The following FGF14 variants were observed in gnomAD, a reference collection of about 807,000 sequenced individuals.
FGF14 encodes the protein fibroblast growth factor 14.
Under a neutral mutation model 25.5 loss-of-function variants are expected in FGF14, and 5 were observed. The ratio of observed to expected loss-of-function variants is 0.20; its 90% confidence interval spans 0.10 to 0.41. FGF14 has a LOEUF of 0.41. Among genes scored for constraint, FGF14 ranks in the 10% least tolerant of loss-of-function variants. The probability of loss-of-function intolerance (pLI) is 1.00; values close to 1 mark genes in which losing one functional copy is unlikely to be tolerated. For missense variants in FGF14, 222 were observed against 320.1 expected (o/e 0.69, Z 2.34); for synonymous variants, 138 against 118.3 (o/e 1.17, Z -1.08).
chr13:101,837,164 CTA>C (rs148238979), intron 3 of FGF14, among the ~76,000 whole-genome samples: 14,965 of 151,446 alleles, frequency 0.099, 928 homozygotes, highest in African/African-American at 0.18. Flanking sequence ...TGAGCTGGTA[CTA>C]TATGTGTGTG....
At chr13:101,892,009 T>C (rs1024232929) in intron 1 of FGF14, among the ~76,000 whole-genome samples, 6 of 152,024 alleles carry the variant, frequency 3.9e-5, no homozygotes, top group Middle Eastern at 3.2e-3. Context: ...AGATGTGACA[T>C]AGCAAAAAAC....
At chr13:101,927,875 CA>C (rs1210435453) in intron 1 of FGF14, among the ~76,000 whole-genome samples, 4 of 152,278 alleles carry the variant, frequency 2.6e-5, no homozygotes, top group African/African-American at 7.2e-5. Context: ...CAGTGTTTGT[CA>C]AAGGGAGGAT....
At chr13:101,778,142 T>C (rs2140011632) in intron 3 of FGF14, among the ~76,000 whole-genome samples, 1 of 152,250 alleles carries the variant, frequency 6.6e-6, no homozygotes, top group Admixed American at 6.5e-5. Flanking sequence ...GGCTGCCAAA[T>C]TATTTACTTA....
At chr13:102,048,737 C>T (rs1029613220) in intron 1 of FGF14, among the ~76,000 whole-genome samples, 12 of 152,196 alleles carry the variant, frequency 7.9e-5, no homozygotes, top group African/African-American at 2.2e-4. Context: ...ATGACATTGA[C>T]CTTTGGAAAC....
At chr13:102,326,714 GGAAGGAA>G (rs1566939036) in intron 1 of FGF14, among the ~76,000 whole-genome samples, 2 of 84,282 alleles carry the variant, frequency 2.4e-5, no homozygotes, top group African/African-American at 1.1e-4. Context: ...AAGGAAGGAA[GGAAGGAA>G]GGAAGGAAGG....
At chr13:102,000,443 T>C (rs572313268) in intron 1 of FGF14, among the ~76,000 whole-genome samples, 1 of 152,364 alleles carries the variant, frequency 6.6e-6, no homozygotes, top group African/African-American at 2.4e-5. Flanking sequence ...GTAAAGAGGC[T>C]GTATGGAAGA....
At chr13:101,944,785 C>T (rs2035698216) in intron 1 of FGF14, among the ~76,000 whole-genome samples, 1 of 152,084 alleles carries the variant, frequency 6.6e-6, no homozygotes, top group Admixed American at 6.6e-5. Context: ...AAGCCAGTCA[C>T]AATAGAACAA....
At chr13:102,310,418 G>A (rs2055668317) in intron 1 of FGF14, among the ~76,000 whole-genome samples, 2 of 152,072 alleles carry the variant, frequency 1.3e-5, no homozygotes, top group African/African-American at 4.8e-5. Context: ...GTGACCTTGA[G>A]GAGCACAAGG....
At chr13:102,052,627 A>C (rs558826876) in intron 1 of FGF14, among the ~76,000 whole-genome samples, 1 of 151,750 alleles carries the variant, frequency 6.6e-6, no homozygotes, top group South Asian at 2.1e-4. Flanking sequence ...GTGAAATGAT[A>C]GATTTGAAGT....
At chr13:101,981,948 G>A (rs562737315) in intron 1 of FGF14, among the ~76,000 whole-genome samples, 1 of 152,090 alleles carries the variant, frequency 6.6e-6, no homozygotes, top group African/African-American at 2.4e-5. Context: ...AGCTACCATG[G>A]GCATTTACAC....
At chr13:101,969,303 C>T (rs964855121) in intron 1 of FGF14, among the ~76,000 whole-genome samples, 1 of 152,186 alleles carries the variant, frequency 6.6e-6, no homozygotes, top group Non-Finnish European at 1.5e-5. Flanking sequence ...GTGGCTCACG[C>T]CTGTAATCCC....
intron 1 of FGF14, among the ~76,000 whole-genome samples, chr13:102,058,551 G>A (rs1280431848): frequency 1.3e-5 from 2 of 152,076 alleles, no homozygotes; most frequent in Non-Finnish European, 2.9e-5. Flanking sequence ...TTGTATATTT[G>A]CATTGTAGAG....
chr13:102,154,494 C>T (rs1419087941), intron 1 of FGF14, among the ~76,000 whole-genome samples: 1 of 152,014 alleles, frequency 6.6e-6, no homozygotes, highest in Non-Finnish European at 1.5e-5. Flanking sequence ...CCAGGCCTGC[C>T]CTAAAAGAGC....
chr13:102,372,984 G>A (rs1316755578), intron 1 of FGF14, among the ~76,000 whole-genome samples: 1 of 152,116 alleles, frequency 6.6e-6, no homozygotes, highest in Non-Finnish European at 1.5e-5. Flanking sequence ...AGTAGGAAGG[G>A]AGGTGAAACT....
rs991036168 is a variant in FGF14, at chr13:102,011,614, T to C, written c.209-136318A>G. ...TGAAGCTTATCCATAGCTGAGAGCA[T>C]AGAGAGCAGCTCAGACAAACCCAGG... On this transcript the variant is annotated intron_variant, in intron 1 of 4. Coordinates refer to the FGF14 transcript ENST00000376131. 3.3e-5 allele frequency among the ~76,000 whole-genome samples: 5 copies of C among 151,976 alleles called. No homozygotes were observed. In the South Asian group the frequency reaches 8.3e-4, roughly 25 times the overall value.
chr13:102,377,523 A>G (rs952259836), intron 1 of FGF14, among the ~76,000 whole-genome samples: 6 of 152,124 alleles, frequency 3.9e-5, no homozygotes, highest in Non-Finnish European at 7.4e-5. Context: ...TAGCACAGAT[A>G]AAGGGCCAGG....
At chr13:101,838,287 C>T (rs771104316) in intron 3 of FGF14, among the ~76,000 whole-genome samples, 1 of 151,948 alleles carries the variant, frequency 6.6e-6, no homozygotes, top group Non-Finnish European at 1.5e-5. Flanking sequence ...TGTGACCCTG[C>T]AACTTCCTGC....
rs2034510635 is a variant in FGF14 at position 101,712,372 on chromosome 13, A to G, written c.*10459T>C. The G allele has an allele frequency of 6.6e-6, 1 of 152,202 alleles. No homozygotes were observed. The highest frequency in any genetic ancestry group is 6.5e-5 in the Admixed American group (1 of 15,282). 9.4% of individuals were successfully genotyped at this position (152,202 alleles called of 1,614,324 possible). ...ATCAAATGTTCTATCCATATATGCC[A>G]TATTAGCTTTAGCTGAGCTTACCAG... On this transcript the variant is annotated 3_prime_UTR_variant, in exon 5 of 5. Coordinates refer to ENST00000376143, the MANE Select transcript of FGF14 (RefSeq NM_004115.4).
At chr13:101,966,831 C>G (rs2037235649) in intron 1 of FGF14, among the ~76,000 whole-genome samples, 1 of 152,050 alleles carries the variant, frequency 6.6e-6, no homozygotes, top group Admixed American at 6.6e-5. Flanking sequence ...TAGGGACGAC[C>G]TAGAAATACA....
Sources: gnomAD v4.1 joint callset for allele counts (sites outside exome capture counted in the v4.1 genomes callset) on GRCh38, gnomAD v4.1.1 for gene constraint, MANE v1.5 for transcripts, NCBI Gene and HGNC (gene_info 2026-07-23, HGNC 2026-07-21) for gene names.